The following FAM177B variants were observed in gnomAD, a reference collection of about 807,000 sequenced individuals.
FAM177B encodes protein FAM177B.
In FAM177B, 16 loss-of-function variants were observed where a neutral mutation model predicts 16.1. The ratio of observed to expected loss-of-function variants is 0.99; its 90% CI spans 0.67 to 1.51. The LOEUF is 1.51. Among genes scored for constraint, FAM177B ranks in the 40% most tolerant of loss-of-function variants. FAM177B has a pLI of 0.00. For missense variants in FAM177B, 178 were observed against 183.7 expected, an observed-to-expected ratio of 0.97 and a Z score of 0.18; for synonymous variants, 56 against 59.9, an observed-to-expected ratio of 0.93 and a Z score of 0.30.
At chr1:222,748,036 G>A (rs1658879382) in intron 4 of FAM177B, among the ~76,000 whole-genome samples, 1 of 152,200 alleles carries the variant, frequency 6.6e-6, no homozygotes, top group African/African-American at 2.4e-5. Context: ...AGGCTAGCTT[G>A]AGGACCATGA....
At chr1:222,745,007 C>T (rs1438350414) in intron 2 of FAM177B, among the ~76,000 whole-genome samples, 1 of 152,174 alleles carries the variant, frequency 6.6e-6, no homozygotes, top group African/African-American at 2.4e-5. Context: ...TTTGCCTTTT[C>T]TAAATTTCTA....
intron 2 of FAM177B, among the ~76,000 whole-genome samples, chr1:222,740,557 T>C (rs1482304047): frequency 6.6e-6 from 1 of 152,234 alleles, no homozygotes; most frequent in Non-Finnish European, 1.5e-5. Context: ...CAATTGTTAA[T>C]ATGCATACTT....
chr1:222,749,546 A>T lies in FAM177B; in HGVS notation c.323A>T (p.Tyr108Phe). The T allele has an allele frequency of 6.3e-7, 1 of 1,594,696 alleles. No individual in the cohort carries two copies. Residue 108 changes from tyrosine (Y) to phenylalanine (F), a missense_variant, in exon 5 of 6, where the codon TAT (tyrosine) becomes TTT (phenylalanine). By Grantham distance (22) the Tyr-to-Phe change is conservative. Transcript: ENST00000445590. ...PKYQYVLNEF[Y>F]RIQNKKSDNK... is the part of the protein sequence containing the mutation. Reference sequence around the variant, plus strand: ...TATCAGTATGTGTTAAACGAGTTCTATAGGATACAAAACAAGGTATGTGAC... The same window carrying T: ...TATCAGTATGTGTTAAACGAGTTCTTTAGGATACAAAACAAGGTATGTGAC...
chr1:222,749,880 G>A (rs1259492931), intron 5 of FAM177B, 41 bp from the exon 6 acceptor site: 3 of 1,609,088 alleles, frequency 1.9e-6, no homozygotes, highest in African/African-American at 2.7e-5. Flanking sequence ...AGAGGTCTTT[G>A]TTTGTACAGT....
chr1:222,739,101 A>G lies in FAM177B; in HGVS notation c.-16+1080A>G, dbSNP rs181000527. Among the ~76,000 whole-genome samples the G allele has an allele frequency of 4.6e-5, 7 of 152,364 alleles. No homozygotes were observed. The East Asian group carries it at 1.3e-3, about 29-fold the overall frequency. ...AAGATAATAGAGGCAAGCCAGGTGT[A>G]CAGGGGATGAGGGTGTGCGTATGTT... On this transcript the variant is annotated intron_variant, in intron 2 of 5. Coordinates refer to ENST00000445590, the MANE Select transcript of FAM177B (RefSeq NM_001394345.1).
intron 2 of FAM177B, among the ~76,000 whole-genome samples, chr1:222,741,773 CCTTTCTTTCTTTTT>C (rs1319574358): frequency 7.2e-5 from 9 of 125,374 alleles, no homozygotes; most frequent in Admixed American, 1.9e-4. Context: ...TTTCTTTCTT[CCTTTCTTTCTTTTT>C]CTTTCTTTCT....
chr1:222,750,654 A>G lies in FAM177B; in HGVS notation c.*596A>G. On this transcript the variant is annotated 3_prime_UTR_variant, in exon 6 of 6. Transcript: ENST00000445590. ...ATTAAAACAATTGATAAATAATATA[A>G]GCTCTAGAAAAAAATATTAATGGAT... 1.6e-6 allele frequency: 1 copy of G among 630,978 alleles called. No individual in the cohort carries two copies. The highest frequency in any genetic ancestry group is 2.0e-6 in the Non-Finnish European group (1 of 506,802). 39.1% of individuals were successfully genotyped at this position (630,978 alleles called of 1,614,324 possible). A position where few individuals can be genotyped will look rare whatever the true frequency, so the allele number is the denominator to read the frequency against.
At chr1:222,744,351 A>G (rs761992607) in intron 2 of FAM177B, among the ~76,000 whole-genome samples, 46 of 152,156 alleles carry the variant, frequency 3.0e-4, no homozygotes, top group Non-Finnish European at 2.2e-4. Flanking sequence ...GGGTGCCTGT[A>G]GTCCCAGCTA....
intron 2 of FAM177B, among the ~76,000 whole-genome samples, chr1:222,738,992 A>C (rs1370056330): frequency 6.6e-6 from 1 of 152,200 alleles, no homozygotes; most frequent in African/African-American, 2.4e-5. Flanking sequence ...AAAGATGTAT[A>C]TGGCTATTAA....
In FAM177B at chr1:222,746,574, A is replaced by G; in HGVS notation, c.29A>G (p.Asp10Gly). The part of the protein sequence containing the change: MEIDGFQQL[D>G]LEKSVPSKKT... ...GAGATTGACGGTTTCCAGCAGTTAG[A>G]CCTAGAGAAGAGTGTACCTTCCAAA... The change falls in exon 3 of 6, where the codon GAC becomes GGC. Residue 10 changes from aspartate to glycine, a missense_variant. Coordinates refer to ENST00000445590, the MANE Select transcript of FAM177B (RefSeq NM_001394345.1). 4 of 1,609,340 alleles carry G rather than the reference A, an allele frequency of 2.5e-6. No homozygotes were observed. The highest frequency in any genetic ancestry group is 3.4e-6 in the Non-Finnish European group (4 of 1,176,650).
At chr1:222,749,811 C>T (rs1658975566) in intron 5 of FAM177B, 110 bp from the exon 6 acceptor site, 2 of 1,191,012 alleles carry the variant, frequency 1.7e-6, no homozygotes, top group Non-Finnish European at 2.5e-6. Context: ...GGTGAGAAGG[C>T]TCAGATTGCT....
chr1:222,749,825 A>G, intron 5 of FAM177B, 96 bp from the exon 6 acceptor site: 1 of 1,315,264 alleles, frequency 7.6e-7, no homozygotes, highest in Non-Finnish European at 1.1e-6. Flanking sequence ...GATTGCTTAA[A>G]GTAGAAGCTT....
chr1:222,748,926 T>C (rs1016225729), intron 4 of FAM177B: 4 of 439,490 alleles, frequency 9.1e-6, no homozygotes, highest in African/African-American at 8.2e-5. Flanking sequence ...TCATTATTCA[T>C]GCTATGCCTT....
rs774296962 is a variant in FAM177B, at chr1:222,750,082, G to T, written c.*24G>T. On this transcript the variant is annotated 3_prime_UTR_variant, in exon 6 of 6. Transcript: ENST00000445590. Reference sequence around the variant, plus strand: ...GAAGCACCTCATCCAGGGAGGGTCTGGTGGCAGATCCTAGCTCATGATGGC... The same window carrying T: ...GAAGCACCTCATCCAGGGAGGGTCTTGTGGCAGATCCTAGCTCATGATGGC... The T allele has an allele frequency of 1.2e-6, 2 of 1,606,628 alleles. No homozygotes were observed. The highest frequency in any genetic ancestry group is 3.4e-5 in the Admixed American group (2 of 58,356).
At chr1:222,747,885 A>G (rs1039152814) in intron 4 of FAM177B, among the ~76,000 whole-genome samples, 1 of 152,208 alleles carries the variant, frequency 6.6e-6, no homozygotes, top group Non-Finnish European at 1.5e-5. Flanking sequence ...AGTCATATAG[A>G]CCAGCAAACA....
chr1:222,741,909 T>C (rs867578389), intron 2 of FAM177B, among the ~76,000 whole-genome samples: 11 of 80,362 alleles, frequency 1.4e-4, no homozygotes, highest in African/African-American at 5.4e-4. Context: ...TCCCTCCCTC[T>C]CTCTCTCTCT....
rs551500062 is a variant in FAM177B at position 222,740,819 on chromosome 1, C to G, written c.-16+2798C>G. Among the ~76,000 whole-genome samples, 424 of 151,816 alleles carry G rather than the reference C, an allele frequency of 2.8e-3. 3 individuals are homozygous for G. The highest frequency in any genetic ancestry group is 9.9e-3 in the African/African-American group (408 of 41,418). ...GGTTCATGCCATTCTCCCGCCTCAG[C>G]CTCCCGAGTAGCTGGGACTACAGGC... On this transcript the variant is annotated intron_variant, in intron 2 of 5. Coordinates refer to ENST00000445590, the MANE Select transcript of FAM177B (RefSeq NM_001394345.1).
chr1:222,743,770 T>A (rs1007775464), intron 2 of FAM177B, among the ~76,000 whole-genome samples: 1 of 152,192 alleles, frequency 6.6e-6, no homozygotes, highest in Non-Finnish European at 1.5e-5. Flanking sequence ...TAAGATAGTA[T>A]TTTATTACCT....
rs71175182 is a variant in FAM177B at position 222,738,564 on chromosome 1, C to CA, written c.-16+560dup. 2.0e-3 allele frequency among the ~76,000 whole-genome samples: 121 copies of CA among 61,796 alleles called. 2 individuals carry two copies. Among genetic ancestry groups the CA allele is most frequent in the Admixed American group, 3.8e-3 (18 of 4,740 alleles). The allele number at this position is 61,796 out of a possible 152,430, so 40.5% of individuals were successfully genotyped here. A position where few individuals can be genotyped will look rare whatever the true frequency, so the allele number is the denominator to read the frequency against. ...GGAGACTCCGTCTCTACAAAAACTG[C>CA]AAAAAAAAAAAAAAAAAGGCTGGGC... is the stretch of plus-strand genomic sequence containing the variant. On this transcript the variant is annotated intron_variant, in intron 2 of 5. Coordinates refer to ENST00000445590, the MANE Select transcript of FAM177B (RefSeq NM_001394345.1).
Sources: gnomAD v4.1 joint callset for allele counts (sites outside exome capture counted in the v4.1 genomes callset) on GRCh38, gnomAD v4.1.1 for gene constraint, MANE v1.5 for transcripts, NCBI Gene and HGNC (gene_info 2026-07-23, HGNC 2026-07-21) for gene names.